The following MAP3K7CL variants were observed in gnomAD, a reference collection of about 807,000 sequenced individuals.
MAP3K7CL encodes the protein MAP3K7 C-terminal-like protein.
Under a neutral mutation model 18.6 loss-of-function variants are expected in MAP3K7CL, and 16 were observed. The ratio of observed to expected loss-of-function variants is 0.86; its 90% CI spans 0.58 to 1.31. The LOEUF (loss-of-function observed/expected upper bound fraction) is 1.31. MAP3K7CL is among the 50% of genes most tolerant of loss of function. MAP3K7CL has a pLI of 0.00. For synonymous variants in MAP3K7CL, 65 were observed against 66.8 expected, an observed-to-expected ratio of 0.97 and a Z score of 0.13; for missense variants, 163 against 174.4, an observed-to-expected ratio of 0.93 and a Z score of 0.37.
intron 3 of MAP3K7CL, among the ~76,000 whole-genome samples, chr21:29,154,278 T>A (rs1180126148): frequency 2.0e-5 from 3 of 152,248 alleles, no homozygotes. Context: ...AAGTAATTTA[T>A]TTTTATTCAT....
intron 3 of MAP3K7CL, among the ~76,000 whole-genome samples, chr21:29,158,879 T>A (rs1340226806): frequency 6.8e-6 from 1 of 147,526 alleles, no homozygotes; most frequent in Non-Finnish European, 1.5e-5. Context: ...AAGGGTGATT[T>A]AAAAAAAAAC....
intron 4 of MAP3K7CL, among the ~76,000 whole-genome samples, chr21:29,162,403 C>G (rs947753191): frequency 8.6e-5 from 13 of 151,556 alleles, no homozygotes; most frequent in South Asian, 2.1e-4. Flanking sequence ...TGGTAGGGGC[C>G]AGACGCAGTG....
At chr21:29,157,781 G>A (rs1417494127) in intron 3 of MAP3K7CL, among the ~76,000 whole-genome samples, 1 of 152,182 alleles carries the variant, frequency 6.6e-6, no homozygotes, top group Non-Finnish European at 1.5e-5. Context: ...AATCATTACA[G>A]GTGGTAAGCT....
At chr21:29,118,852 G>C (rs2832192) in intron 4 of MAP3K7CL, among the ~76,000 whole-genome samples, 1 of 152,052 alleles carries the variant, frequency 6.6e-6, no homozygotes, top group Non-Finnish European at 1.5e-5. Context: ...TCTTTAAGTT[G>C]TGCATGCGCA....
chr21:29,117,594 C>T (rs1043086662), intron 4 of MAP3K7CL, among the ~76,000 whole-genome samples: 1 of 152,370 alleles, frequency 6.6e-6, no homozygotes, highest in African/African-American at 2.4e-5. Context: ...TTTGTGTCTG[C>T]ACAAGTAATT....
At chr21:29,160,145 G>A in intron 4 of MAP3K7CL, 89 bp downstream of exon 4, 1 of 944,362 alleles carries the variant, frequency 1.1e-6, no homozygotes, top group Non-Finnish European at 1.6e-6. Flanking sequence ...CTGAGTGTGA[G>A]GATGACAGGG....
intron 4 of MAP3K7CL, among the ~76,000 whole-genome samples, chr21:29,167,687 G>A (rs1252648223): frequency 7.0e-6 from 1 of 142,316 alleles, no homozygotes; most frequent in Non-Finnish European, 1.5e-5. Flanking sequence ...AACCAGAGAA[G>A]GACCAATTTT....
rs147076930 is a variant in MAP3K7CL, at chr21:29,109,222, A to G, written c.370+16641A>G. ...GAAGGGTGGGTAAGTATTAAGTGCT[A>G]TGAGCTCCGAGGAAGAAGAAATTCC... is the stretch of plus-strand genomic sequence containing the variant. On this transcript the variant is annotated intron_variant, in intron 4 of 6. Transcript: ENST00000286791. The G allele has an allele frequency of 1.8e-5, 27 of 1,535,270 alleles. No individual in the cohort carries two copies. In the African/African-American group the frequency reaches 1.9e-4, roughly 11 times the overall value.
chr21:29,153,159 T>TG (rs1815534806), intron 3 of MAP3K7CL, among the ~76,000 whole-genome samples: 1 of 152,234 alleles, frequency 6.6e-6, no homozygotes, highest in African/African-American at 2.4e-5. Context: ...AAAACATTTC[T>TG]CTTGATGTCT....
At chr21:29,081,252 A>G (rs1294444234), upstream of MAP3K7CL, among the ~76,000 whole-genome samples, 1 of 152,222 alleles carries the variant, frequency 6.6e-6, no homozygotes, top group Non-Finnish European at 1.5e-5. Context: ...TTCTGCTATT[A>G]AAATTGTTTA....
intron 4 of MAP3K7CL, among the ~76,000 whole-genome samples, chr21:29,173,891 G>C (rs1308015816): frequency 6.6e-6 from 1 of 152,074 alleles, no homozygotes; most frequent in South Asian, 2.1e-4. Flanking sequence ...TTGTAGAGAT[G>C]TTGTCTCGCT....
At chr21:29,116,234 C>T (rs990422208) in intron 4 of MAP3K7CL, among the ~76,000 whole-genome samples, 2 of 152,156 alleles carry the variant, frequency 1.3e-5, no homozygotes, top group Admixed American at 1.3e-4. Flanking sequence ...ACTGAACAAG[C>T]CATGAGATTC....
chr21:29,143,928 G>A (rs1438295740), intron 2 of MAP3K7CL, among the ~76,000 whole-genome samples: 4 of 152,130 alleles, frequency 2.6e-5, no homozygotes, highest in Admixed American at 1.3e-4. Flanking sequence ...GGGTACGACA[G>A]TGAGGTGTTT....
At chr21:29,103,562 A>G (rs748095711) in intron 4 of MAP3K7CL, among the ~76,000 whole-genome samples, 35 of 152,118 alleles carry the variant, frequency 2.3e-4, no homozygotes, top group Non-Finnish European at 3.7e-4. Flanking sequence ...GAAACCCTTC[A>G]TCTCTACTAA....
intron 4 of MAP3K7CL, among the ~76,000 whole-genome samples, chr21:29,111,896 T>C (rs934475189): frequency 1.3e-5 from 2 of 152,230 alleles, no homozygotes; most frequent in African/African-American, 4.8e-5. Context: ...AACCCACTGA[T>C]GTGCTAAGCC....
upstream of MAP3K7CL, among the ~76,000 whole-genome samples, chr21:29,081,501 C>A (rs2085834319): frequency 6.6e-6 from 1 of 152,124 alleles, no homozygotes; most frequent in African/African-American, 2.4e-5. Flanking sequence ...GGCAGTGAGC[C>A]GAGATCGCGC....
intron 3 of MAP3K7CL, among the ~76,000 whole-genome samples, chr21:29,149,922 G>T (rs1027123450): frequency 2.0e-5 from 3 of 152,166 alleles, no homozygotes; most frequent in African/African-American, 7.2e-5. Context: ...TAAAATACCA[G>T]GATACTGGCC....
At chr21:29,110,302 C>G (rs958764900) in intron 4 of MAP3K7CL, among the ~76,000 whole-genome samples, 5 of 152,154 alleles carry the variant, frequency 3.3e-5, no homozygotes, top group African/African-American at 7.2e-5. Flanking sequence ...CTTTGAGGTA[C>G]GTCTACTTTT....
chr21:29,149,139 C>T (rs2146685876), intron 2 of MAP3K7CL, 50 bp from the exon 3 acceptor site: 1 of 1,530,848 alleles, frequency 6.5e-7, no homozygotes, highest in Non-Finnish European at 9.1e-7. Flanking sequence ...CCAAGGACTC[C>T]TACAAGAAAG....
Sources: gnomAD v4.1 joint callset for allele counts (sites outside exome capture counted in the v4.1 genomes callset) on GRCh38, gnomAD v4.1.1 for gene constraint, MANE v1.5 for transcripts, NCBI Gene and HGNC (gene_info 2026-07-23, HGNC 2026-07-21) for gene names.